Variants in MED6 observed in about 807,000 individuals in gnomAD.
The protein encoded by MED6 is mediator of RNA polymerase II transcription subunit 6.
MED6 carries 33 observed loss-of-function variants against 37.5 expected under a neutral mutation model. The ratio of observed to expected loss-of-function variants is 0.88; its 90% CI spans 0.67 to 1.18. The LOEUF is 1.18. MED6 is among the 50% of genes most tolerant of loss of function. MED6 has a pLI of 0.00. For synonymous variants in MED6, 94 were observed against 93.6 expected (o/e 1.00, Z -0.02); for missense variants, 235 against 290.6 (o/e 0.81, Z 1.39).
chr14:70,597,860 T>C, intron 1 of MED6, 83 bp from the exon 2 acceptor site: 1 of 1,115,942 alleles, frequency 9.0e-7, no homozygotes, highest in Non-Finnish European at 1.2e-6. Context: ...ACATCAAATG[T>C]AGTAGGCACT....
intron 3 of MED6, chr14:70,595,196 A>G: frequency 9.3e-6 from 5 of 538,460 alleles, no homozygotes; most frequent in South Asian, 5.7e-5. Context: ...AGAACCGTGA[A>G]GAGGAAGTAA....
Position 70,584,270 on chromosome 14 carries a change from A to G in MED6, c.*543T>C. On this transcript the variant is annotated 3_prime_UTR_variant, in exon 8 of 8. Coordinates refer to ENST00000256379, the MANE Select transcript of MED6 (RefSeq NM_005466.4). ...AAATACCTTTATTTTGCTTTTAAAC[A>G]TATCTACCAGTAAACATGTGAGTGT... 5 of 652,960 alleles carry G rather than the reference A, an allele frequency of 7.7e-6. No individual in the cohort carries two copies. The highest frequency in any genetic ancestry group is 1.4e-5 in the Non-Finnish European group (5 of 364,018). The allele number at this position is 652,960 out of a possible 1,614,324, so 40.4% of individuals were successfully genotyped here.
intron 1 of MED6, 102 bp from the exon 2 acceptor site, chr14:70,597,879 A>G: frequency 1.1e-6 from 1 of 915,768 alleles, no homozygotes; most frequent in Non-Finnish European, 1.5e-6. Flanking sequence ...CTATGAATAT[A>G]AGGATGACAT....
Position 70,583,932 on chromosome 14 carries a change from T to C in MED6, c.*881A>G. 2.3e-6 allele frequency: 1 copy of C among 438,570 alleles called. No individual in the cohort carries two copies. Among genetic ancestry groups the C allele is most frequent in the East Asian group, 3.4e-5 (1 of 29,686 alleles). 27.2% of individuals were successfully genotyped at this position (438,570 alleles called of 1,614,324 possible). ...AGATGGAGCCAATCAATGCTGGACT[T>C]CTCAGCCTCCATAACTTTAAAAAAA... On this transcript the variant is annotated 3_prime_UTR_variant, in exon 8 of 8. Coordinates refer to ENST00000256379, the MANE Select transcript of MED6 (RefSeq NM_005466.4).
At chr14:70,587,502 G>A (rs1884745481) in intron 6 of MED6, among the ~76,000 whole-genome samples, 1 of 152,180 alleles carries the variant, frequency 6.6e-6, no homozygotes. Flanking sequence ...GAAACATAGG[G>A]AGGAACATTG....
chr14:70,593,835 G>C (rs1884958690), intron 3 of MED6, among the ~76,000 whole-genome samples: 1 of 152,154 alleles, frequency 6.6e-6, no homozygotes, highest in South Asian at 2.1e-4. Context: ...CAGACTGGGG[G>C]GTCCAGTGTA....
At chr14:70,595,378 T>A (rs1243274823) in intron 3 of MED6, 1 of 568,272 alleles carries the variant, frequency 1.8e-6, no homozygotes. Flanking sequence ...AACACCACAG[T>A]GGTCACTATG....
chr14:70,585,762 CA>C lies in MED6; in HGVS notation c.603del (p.Val202PhefsTer17), dbSNP rs1884689400. 1 of 1,601,096 alleles carries C rather than the reference CA, an allele frequency of 6.2e-7. No homozygotes were observed. Among genetic ancestry groups the C allele is most frequent in the Admixed American group, 1.7e-5 (1 of 57,786 alleles). ...KFVQLKPGEK[P>X]VPVDQTKKEA... ...AATATTACATGAACCATACCTGGAA[CA>C]GGCTTTTCTCCAGGCTTTAGCTATA... On this transcript the variant is annotated frameshift_variant, in exon 7 of 8. Transcript: ENST00000256379. LOFTEE classifies it high-confidence loss of function.
chr14:70,585,999 A>C (rs1317653541), intron 6 of MED6, among the ~76,000 whole-genome samples: 3 of 152,252 alleles, frequency 2.0e-5, no homozygotes, highest in African/African-American at 7.2e-5. Context: ...GAAAAGACAC[A>C]AATCAAAAAC....
chr14:70,598,679 T>C (rs1403062181), intron 1 of MED6, among the ~76,000 whole-genome samples: 3 of 152,148 alleles, frequency 2.0e-5, no homozygotes, highest in East Asian at 1.9e-4. Context: ...ATTATATCTT[T>C]AGAGAATAAT....
chr14:70,596,496 T>C, intron 3 of MED6, 115 bp downstream of exon 3: 1 of 692,478 alleles, frequency 1.4e-6, no homozygotes, highest in Non-Finnish European at 2.5e-6. Flanking sequence ...TGAACATGTA[T>C]GTGGTCTTGG....
chr14:70,593,431 A>G (rs962764641), intron 3 of MED6, 53 bp from the exon 4 acceptor site: 7 of 1,294,038 alleles, frequency 5.4e-6, no homozygotes, highest in Non-Finnish European at 5.5e-6. Flanking sequence ...ACAAACTGCT[A>G]AACAGATTCT....
chr14:70,587,091 AAC>A (rs1256967969), intron 6 of MED6, among the ~76,000 whole-genome samples: 1 of 152,154 alleles, frequency 6.6e-6, no homozygotes, highest in African/African-American at 2.4e-5. Context: ...CAACTCCAAA[AAC>A]ACACCTTGGG....
intron 6 of MED6, among the ~76,000 whole-genome samples, chr14:70,587,283 T>C (rs1315557414): frequency 6.6e-6 from 1 of 152,080 alleles, no homozygotes; most frequent in African/African-American, 2.4e-5. Context: ...TCTGGCTATA[T>C]ACATCCTTGC....
rs1199314771 is a variant in MED6 at position 70,593,391 on chromosome 14, G to GA, written c.275-14dup. The GA allele has an allele frequency of 1.3e-6, 2 of 1,593,162 alleles. No homozygotes were observed. The highest frequency in any genetic ancestry group is 1.7e-6 in the Non-Finnish European group (2 of 1,165,332). On this transcript the variant is annotated splice_polypyrimidine_tract_variant and intron_variant, in intron 3 of 7. Transcript: ENST00000256379. ...GCTAGTGGGATAACTAAAACAGTGGGAAAAAAGGTTTATAAATACAGCTAT... is the reference window on the plus strand; with the variant it reads ...GCTAGTGGGATAACTAAAACAGTGGGAAAAAAAGGTTTATAAATACAGCTAT...
chr14:70,586,036 AAAACAC>A (rs1317153945), intron 6 of MED6, among the ~76,000 whole-genome samples: 4 of 152,362 alleles, frequency 2.6e-5, no homozygotes, highest in Admixed American at 6.5e-5. Context: ...ACCAACCATA[AAAACAC>A]TTGAACATTT....
intron 2 of MED6, among the ~76,000 whole-genome samples, chr14:70,597,240 C>A (rs1185993625): frequency 6.6e-6 from 1 of 152,158 alleles, no homozygotes; most frequent in East Asian, 1.9e-4. Context: ...ATTTTATAAG[C>A]TCCTCCTCAA....
chr14:70,594,883 G>C (rs1460638920), intron 3 of MED6: 1 of 651,162 alleles, frequency 1.5e-6, no homozygotes, highest in Non-Finnish European at 2.9e-6. Flanking sequence ...CCAGAGGCTA[G>C]AGAGCAAAAT....
At chr14:70,587,484 T>C (rs1006891801) in intron 6 of MED6, among the ~76,000 whole-genome samples, 9 of 152,082 alleles carry the variant, frequency 5.9e-5, no homozygotes, top group African/African-American at 1.9e-4. Context: ...TTCTTTAAAA[T>C]AGGAGAGGAA....
Sources: allele counts gnomAD v4.1 joint callset (sites outside exome capture counted in the v4.1 genomes callset), GRCh38; gene constraint gnomAD v4.1.1; transcripts MANE v1.5; gene names NCBI Gene and HGNC (gene_info 2026-07-23, HGNC 2026-07-21).